LRRTM4: variants seen among roughly 807,000 people sequenced by gnomAD.
The protein encoded by LRRTM4 is leucine-rich repeat transmembrane neuronal protein 4.
LRRTM4 carries 25 observed loss-of-function variants against 47.6 expected under a neutral mutation model. The ratio of observed to expected loss-of-function variants is 0.53; its 90% CI spans 0.38 to 0.73. The LOEUF is 0.73. LRRTM4 is among the 30% of genes least tolerant of loss of function. The pLI is 0.00. For synonymous variants in LRRTM4, 311 were observed against 269.5 expected (o/e 1.15, Z -1.51); for missense variants, 638 against 713.4 (o/e 0.89, Z 1.20).
intron 3 of LRRTM4, among the ~76,000 whole-genome samples, chr2:77,062,751 G>C (rs984812833): frequency 3.9e-5 from 6 of 151,964 alleles, no homozygotes; most frequent in African/African-American, 1.5e-4. Flanking sequence ...CCAGGAATAA[G>C]CAGGTGGCTT....
intron 3 of LRRTM4, among the ~76,000 whole-genome samples, chr2:77,063,355 T>C (rs994379484): frequency 5.3e-5 from 8 of 152,172 alleles, no homozygotes; most frequent in African/African-American, 1.9e-4. Flanking sequence ...TTACATCTCT[T>C]GGGTTAATTC....
chr2:77,397,432 A>T (rs1332807192), intron 3 of LRRTM4, among the ~76,000 whole-genome samples: 5 of 152,038 alleles, frequency 3.3e-5, no homozygotes, highest in African/African-American at 1.2e-4. Flanking sequence ...GTGAAGAGAC[A>T]TTTTAAAGAG....
chr2:77,304,103 C>T (rs564279316), intron 3 of LRRTM4, among the ~76,000 whole-genome samples: 2 of 152,184 alleles, frequency 1.3e-5, no homozygotes, highest in South Asian at 4.1e-4. Flanking sequence ...TTTTCTCCAT[C>T]AATACATGTT....
chr2:77,086,546 C>T (rs1012364907), intron 3 of LRRTM4, among the ~76,000 whole-genome samples: 7 of 149,462 alleles, frequency 4.7e-5, no homozygotes, highest in Admixed American at 2.0e-4. Context: ...GGCACAGTCT[C>T]GGCTCACTGC....
chr2:77,329,903 T>TC (rs758252081), intron 3 of LRRTM4, among the ~76,000 whole-genome samples: 1 of 151,748 alleles, frequency 6.6e-6, no homozygotes, highest in Non-Finnish European at 1.5e-5. Flanking sequence ...TAGACAAGAG[T>TC]CCCATCAATA....
At chr2:77,188,687 A>C (rs2103873387) in intron 3 of LRRTM4, among the ~76,000 whole-genome samples, 1 of 152,240 alleles carries the variant, frequency 6.6e-6, no homozygotes, top group South Asian at 2.1e-4. Context: ...ATAACATCTA[A>C]TGTGTGTGCT....
At chr2:77,017,330 C>G (rs186259025) in intron 3 of LRRTM4, among the ~76,000 whole-genome samples, 1 of 152,318 alleles carries the variant, frequency 6.6e-6, no homozygotes, top group East Asian at 1.9e-4. Flanking sequence ...TTTAAATAAT[C>G]TGATAAAATA....
At chr2:76,855,609 A>C (rs1047723730) in intron 3 of LRRTM4, among the ~76,000 whole-genome samples, 4 of 152,212 alleles carry the variant, frequency 2.6e-5, no homozygotes, top group Admixed American at 2.0e-4. Context: ...ACAAAGACTG[A>C]TGATTTTTAA....
intron 3 of LRRTM4, among the ~76,000 whole-genome samples, chr2:76,916,789 C>G (rs1054486655): frequency 6.6e-6 from 1 of 152,182 alleles, no homozygotes; most frequent in Non-Finnish European, 1.5e-5. Context: ...ATTTTTAGAA[C>G]TATCTTTAAT....
chr2:77,201,707 C>T (rs368724698), intron 3 of LRRTM4, among the ~76,000 whole-genome samples: 12 of 152,144 alleles, frequency 7.9e-5, no homozygotes, highest in Admixed American at 4.6e-4. Context: ...CAAGGGGTAA[C>T]ATTCCATAGC....
At chr2:77,313,068 A>T (rs1677502523) in intron 3 of LRRTM4, among the ~76,000 whole-genome samples, 1 of 152,168 alleles carries the variant, frequency 6.6e-6, no homozygotes, top group African/African-American at 2.4e-5. Flanking sequence ...ATAGATTTTG[A>T]GAAAGTTAAA....
chr2:77,392,312 C>T (rs1334592093), intron 3 of LRRTM4, among the ~76,000 whole-genome samples: 1 of 151,326 alleles, frequency 6.6e-6, no homozygotes, highest in African/African-American at 2.4e-5. Flanking sequence ...TTTGAGATTT[C>T]CCACTAAAAT....
chr2:77,014,054 T>C (rs1677967800), intron 3 of LRRTM4, among the ~76,000 whole-genome samples: 1 of 152,108 alleles, frequency 6.6e-6, no homozygotes, highest in African/African-American at 2.4e-5. Flanking sequence ...GTGTTTTGAG[T>C]ATGATGAGAG....
intron 3 of LRRTM4, among the ~76,000 whole-genome samples, chr2:77,343,603 T>C (rs1028197688): frequency 2.0e-5 from 3 of 151,928 alleles, no homozygotes; most frequent in African/African-American, 7.2e-5. Context: ...TCAATTATTA[T>C]AGTTATTATA....
intron 3 of LRRTM4, chr2:77,009,759 A>C (rs942391208): frequency 2.0e-5 from 3 of 152,102 alleles, no homozygotes; most frequent in African/African-American, 7.2e-5. Flanking sequence ...TGTACTAAGC[A>C]CACTTTCTCT....
In LRRTM4 at chr2:77,518,540, G is replaced by A. The variant is rs757855353; in HGVS notation, c.1329C>T (p.Ile443=). The part of the protein sequence containing the change: ...FLSVAMILLV[I]YVSWKRYPAS... Reference sequence around the variant, plus strand: ...CTGGGTAGCGTTTCCAAGACACATAGATCACCAAGAGGATCATGGCCACTG... The same window carrying A: ...CTGGGTAGCGTTTCCAAGACACATAAATCACCAAGAGGATCATGGCCACTG... Residue 443 remains isoleucine, a synonymous_variant, in exon 3 of 4, where the codon ATC becomes ATT. Transcript: ENST00000409884. 8.1e-6 allele frequency: 13 copies of A among 1,613,392 alleles called. No homozygotes were observed. The highest frequency in any genetic ancestry group is 1.3e-5 in the African/African-American group (1 of 74,966).
chr2:77,035,308 A>G (rs909514526), intron 3 of LRRTM4, among the ~76,000 whole-genome samples: 6 of 151,686 alleles, frequency 4.0e-5, no homozygotes, highest in Non-Finnish European at 8.9e-5. Flanking sequence ...AATCCTGTAT[A>G]TATTTACTCA....
chr2:77,381,815 G>A (rs1265486768), intron 3 of LRRTM4, among the ~76,000 whole-genome samples: 1 of 151,966 alleles, frequency 6.6e-6, no homozygotes, highest in Non-Finnish European at 1.5e-5. Flanking sequence ...TAGATAAAAA[G>A]TATATGACAC....
intron 3 of LRRTM4, among the ~76,000 whole-genome samples, chr2:77,388,098 T>C (rs1355526005): frequency 6.6e-6 from 1 of 151,462 alleles, no homozygotes; most frequent in Non-Finnish European, 1.5e-5. Flanking sequence ...GAGAGTGTGA[T>C]GCAGGACTGA....
Sources: allele counts gnomAD v4.1 joint callset (sites outside exome capture counted in the v4.1 genomes callset), GRCh38; gene constraint gnomAD v4.1.1; transcripts MANE v1.5; gene names NCBI Gene and HGNC (gene_info 2026-07-23, HGNC 2026-07-21).